THEMIS: variants seen among roughly 807,000 people sequenced by gnomAD.
THEMIS encodes the protein protein THEMIS.
THEMIS carries 37 observed loss-of-function variants against 52.6 expected under a neutral mutation model. The observed-to-expected ratio is 0.70, with a 90% CI of 0.54 to 0.93. The LOEUF (loss-of-function observed/expected upper bound fraction) is 0.93. THEMIS is among the 40% of genes least tolerant of loss of function. The pLI, the probability that THEMIS is intolerant of heterozygous loss-of-function variation, is 0.00. For synonymous variants in THEMIS, 292 were observed against 272.7 expected (o/e 1.07, Z -0.70); for missense variants, 808 against 763.1 (o/e 1.06, Z -0.69).
intron 1 of THEMIS, among the ~76,000 whole-genome samples, chr6:127,912,963 C>T (rs1781444240): frequency 6.6e-6 from 1 of 152,180 alleles, no homozygotes; most frequent in South Asian, 2.1e-4. Context: ...CTCGTCTAAG[C>T]AAAGTGGATG....
intron 2 of THEMIS, among the ~76,000 whole-genome samples, chr6:127,846,128 G>A (rs1382182888): frequency 6.6e-6 from 1 of 151,988 alleles, no homozygotes; most frequent in African/African-American, 2.4e-5. Context: ...TGTCCACTAA[G>A]CTAACTAAGC....
intron 1 of THEMIS, among the ~76,000 whole-genome samples, chr6:127,865,727 TTA>T (rs1455313444): frequency 2.0e-5 from 3 of 152,150 alleles, no homozygotes; most frequent in Non-Finnish European, 2.9e-5. Flanking sequence ...TACACTAACA[TTA>T]TATGTTTGAG....
chr6:127,746,390 T>C (rs1259862580), intron 4 of THEMIS, among the ~76,000 whole-genome samples: 1 of 151,674 alleles, frequency 6.6e-6, no homozygotes, highest in African/African-American at 2.4e-5. Context: ...ACACAGACAC[T>C]GCTCTTTACT....
At chr6:127,845,071 C>T (rs956580870) in intron 2 of THEMIS, among the ~76,000 whole-genome samples, 1 of 150,592 alleles carries the variant, frequency 6.6e-6, no homozygotes, top group Non-Finnish European at 1.5e-5. Flanking sequence ...AAAAAGGCTC[C>T]AGTATATCCC....
chr6:127,710,123 G>A, intron 5 of THEMIS, 107 bp from the exon 6 acceptor site: 2 of 643,666 alleles, frequency 3.1e-6, no homozygotes, highest in Non-Finnish European at 4.9e-6. Context: ...TATGGTTTTT[G>A]AGAAACGGTT....
chr6:127,740,325 G>T (rs1775155294), intron 4 of THEMIS, among the ~76,000 whole-genome samples: 1 of 152,096 alleles, frequency 6.6e-6, no homozygotes, highest in Non-Finnish European at 1.5e-5. Context: ...AAAAAACTAA[G>T]GATCATATTT....
chr6:127,734,745 C>T (rs539403089), intron 4 of THEMIS, among the ~76,000 whole-genome samples: 63 of 150,562 alleles, frequency 4.2e-4, no homozygotes, highest in Middle Eastern at 6.8e-3. Context: ...TGGCACGCGC[C>T]GTAGTCCCAG....
chr6:127,865,270 T>TTAA (rs1486585877), intron 1 of THEMIS, among the ~76,000 whole-genome samples: 1 of 152,074 alleles, frequency 6.6e-6, no homozygotes, highest in Non-Finnish European at 1.5e-5. Flanking sequence ...TGCTAACAGA[T>TTAA]GTTAGAGTGG....
At chr6:127,817,744 G>A (rs12660847) in intron 3 of THEMIS, among the ~76,000 whole-genome samples, 10,512 of 152,176 alleles carry the variant, frequency 0.069, 364 homozygotes, top group Non-Finnish European at 0.086. Context: ...AAAAACGACT[G>A]CTGGAGGCAG....
chr6:127,834,293 A>G (rs1024585791), intron 2 of THEMIS, among the ~76,000 whole-genome samples: 3 of 151,930 alleles, frequency 2.0e-5, no homozygotes, highest in South Asian at 2.1e-4. Context: ...ATTTGGGGCC[A>G]GGCGTGGTGA....
chr6:127,705,024 C>A (rs1193781235), downstream of THEMIS, among the ~76,000 whole-genome samples: 5 of 152,092 alleles, frequency 3.3e-5, no homozygotes, highest in Non-Finnish European at 4.4e-5. Context: ...ATCTGGTTGT[C>A]CACTTTGTGT....
chr6:127,859,718 G>A (rs1381728551), intron 1 of THEMIS, among the ~76,000 whole-genome samples: 1 of 152,084 alleles, frequency 6.6e-6, no homozygotes, highest in African/African-American at 2.4e-5. Flanking sequence ...CTCTAGACAA[G>A]GAGTAATGAG....
At chr6:127,826,223 A>G (rs1187742084) in intron 3 of THEMIS, among the ~76,000 whole-genome samples, 1 of 152,178 alleles carries the variant, frequency 6.6e-6, no homozygotes, top group Non-Finnish European at 1.5e-5. Flanking sequence ...CCCTCGTGTC[A>G]AGGGCATAAA....
intron 4 of THEMIS, among the ~76,000 whole-genome samples, chr6:127,730,676 G>C (rs1299283718): frequency 6.6e-6 from 1 of 152,080 alleles, no homozygotes; most frequent in East Asian, 1.9e-4. Context: ...AACATGAGAG[G>C]CTTCATAGGT....
Position 127,715,019 on chromosome 6 carries a change from C to A in THEMIS, c.1894+4669G>T, listed in dbSNP as rs1774110021. 2.0e-5 allele frequency among the ~76,000 whole-genome samples: 3 copies of A among 151,800 alleles called. No individual in the cohort carries two copies. The South Asian group carries it at 6.2e-4, about 32-fold the overall frequency. ...AGGTTGTCAGTGCTCACACAACTTCCTAATAGGAAATGATATTTCAGAATT... is the reference window on the plus strand; with the variant it reads ...AGGTTGTCAGTGCTCACACAACTTCATAATAGGAAATGATATTTCAGAATT... On this transcript the variant is annotated intron_variant, in intron 5 of 5. Transcript: ENST00000368248.
intron 3 of THEMIS, among the ~76,000 whole-genome samples, chr6:127,825,133 A>G (rs1204890014): frequency 6.6e-6 from 1 of 152,152 alleles, no homozygotes; most frequent in Non-Finnish European, 1.5e-5. Flanking sequence ...GGTAAACAAA[A>G]GACAAAAAGA....
At chr6:127,888,105 C>A (rs915734964) in intron 1 of THEMIS, among the ~76,000 whole-genome samples, 9 of 151,934 alleles carry the variant, frequency 5.9e-5, no homozygotes, top group Non-Finnish European at 1.3e-4. Flanking sequence ...AAAGTGTGAA[C>A]AAAGCTTTAA....
intron 4 of THEMIS, among the ~76,000 whole-genome samples, chr6:127,758,784 G>T (rs1005605165): frequency 2.0e-5 from 3 of 151,992 alleles, no homozygotes; most frequent in South Asian, 4.1e-4. Context: ...AAGAAAGAAA[G>T]AATTATTGGA....
intron 4 of THEMIS, among the ~76,000 whole-genome samples, chr6:127,796,104 A>C (rs1396312392): frequency 6.6e-6 from 1 of 152,240 alleles, no homozygotes; most frequent in Non-Finnish European, 1.5e-5. Flanking sequence ...ATTTCAAGGC[A>C]AGTTAACCTT....
Sources: gnomAD v4.1 joint callset for allele counts (sites outside exome capture counted in the v4.1 genomes callset) on GRCh38, gnomAD v4.1.1 for gene constraint, MANE v1.5 for transcripts, NCBI Gene and HGNC (gene_info 2026-07-23, HGNC 2026-07-21) for gene names.